Variants in DYRK1A observed in about 807,000 individuals in gnomAD.
The protein encoded by DYRK1A is dual specificity tyrosine phosphorylation regulated kinase 1A.
A neutral mutation model predicts 79.7 loss-of-function variants in DYRK1A; 9 were observed. The ratio of observed to expected loss-of-function variants is 0.11; its 90% CI spans 0.07 to 0.20. The LOEUF is 0.20. Ranked by LOEUF, DYRK1A falls within the 10% of genes least tolerant of loss-of-function variation. The probability of loss-of-function intolerance (pLI) is 1.00; values close to 1 mark genes in which losing one functional copy is unlikely to be tolerated. For synonymous variants in DYRK1A, 349 were observed against 329.7 expected (o/e 1.06, Z -0.63); for missense variants, 622 against 956.0 (o/e 0.65, Z 4.61).
intron 2 of DYRK1A, among the ~76,000 whole-genome samples, chr21:37,431,271 T>G (rs1250028589): frequency 6.6e-6 from 1 of 152,274 alleles, no homozygotes; most frequent in Non-Finnish European, 1.5e-5. Context: ...TTGCTGTTAG[T>G]TTTAAAGGAT....
At chr21:37,389,193 C>T (rs1166086399) in intron 1 of DYRK1A, among the ~76,000 whole-genome samples, 4 of 151,600 alleles carry the variant, frequency 2.6e-5, no homozygotes, top group African/African-American at 7.3e-5. Context: ...TTTTCTCTCT[C>T]TCTCTTTTTT....
intron 2 of DYRK1A, among the ~76,000 whole-genome samples, chr21:37,468,055 G>T (rs1476962429): frequency 6.6e-6 from 1 of 152,126 alleles, no homozygotes. Flanking sequence ...ACATGGATTT[G>T]TTTTGGTGGA....
chr21:37,419,198 C>T (rs1290689373), intron 1 of DYRK1A: 2 of 152,078 alleles, frequency 1.3e-5, no homozygotes, highest in Admixed American at 1.3e-4. Context: ...TGGTTTCTTT[C>T]TTTCTCTTAC....
intron 5 of DYRK1A, among the ~76,000 whole-genome samples, chr21:37,483,376 A>G (rs1341958238): frequency 9.2e-5 from 14 of 152,202 alleles, no homozygotes; most frequent in African/African-American, 3.4e-4. Flanking sequence ...TAAACGTGTA[A>G]GCAAATATGA....
At chr21:37,507,564 TC>T (rs1415966369) in intron 11 of DYRK1A, among the ~76,000 whole-genome samples, 3 of 152,186 alleles carry the variant, frequency 2.0e-5, no homozygotes, top group Non-Finnish European at 4.4e-5. Flanking sequence ...CCTAATGCTG[TC>T]TTTCTGCATT....
chr21:37,459,399 A>G lies in DYRK1A; in HGVS notation c.11-13285A>G, dbSNP rs77616337. ...AATTAAATAAGTGGTTAGCATTTAT[A>G]TAAGCAGTCTAATTAGGACCCCAAA... On this transcript the variant is annotated intron_variant, in intron 2 of 11. Transcript: ENST00000647188. Among the ~76,000 whole-genome samples, 37 of 152,360 alleles carry G rather than the reference A, an allele frequency of 2.4e-4. No homozygotes were observed. In the East Asian group the frequency reaches 6.9e-3, roughly 29 times the overall value.
chr21:37,476,500 A>C (rs1157221316), intron 3 of DYRK1A, among the ~76,000 whole-genome samples: 1 of 152,208 alleles, frequency 6.6e-6, no homozygotes, highest in Non-Finnish European at 1.5e-5. Flanking sequence ...GCTGCACTCC[A>C]CCAGCCCAAG....
rs576141619 is a variant in DYRK1A, at chr21:37,427,681, C to G, written c.10+7297C>G. On this transcript the variant is annotated intron_variant, in intron 2 of 11. Transcript: ENST00000647188. Reference sequence around the variant, plus strand: ...GGTGAAGCATATGTACATTTTAAAGCCTTTTGATACATTATTTTCAAATAC... The same window carrying G: ...GGTGAAGCATATGTACATTTTAAAGGCTTTTGATACATTATTTTCAAATAC... Among the ~76,000 whole-genome samples the G allele has an allele frequency of 3.3e-5, 5 of 152,160 alleles. 1 individual carries two copies. In the South Asian group the frequency reaches 8.3e-4, roughly 25 times the overall value.
At chr21:37,442,292 A>G (rs1482994612) in intron 2 of DYRK1A, among the ~76,000 whole-genome samples, 1 of 151,904 alleles carries the variant, frequency 6.6e-6, no homozygotes, top group Non-Finnish European at 1.5e-5. Context: ...TAGTTTTTCA[A>G]AATTTTTGGG....
intron 1 of DYRK1A, among the ~76,000 whole-genome samples, chr21:37,403,655 ATATATATATGTGTGTG>A (rs2050096532): frequency 1.6e-5 from 2 of 125,700 alleles, no homozygotes; most frequent in Non-Finnish European, 3.3e-5. Flanking sequence ...AAAAATATAT[ATATATATATGTGTGTG>A]TGTGTGTGTG....
In DYRK1A at chr21:37,516,293, C is replaced by T. The variant is rs192936816; in HGVS notation, c.*3762C>T. 4 of 152,276 alleles carry T rather than the reference C, an allele frequency of 2.6e-5. No homozygotes were observed. Among genetic ancestry groups the T allele is most frequent in the African/African-American group, 4.8e-5 (2 of 41,562 alleles). 9.4% of individuals were successfully genotyped at this position (152,276 alleles called of 1,614,324 possible). On this transcript the variant is annotated 3_prime_UTR_variant, in exon 12 of 12. Transcript: ENST00000647188. ...TGGGGACAAAAGCCGTGCGTGACTT[C>T]GGTATACCCAGACTTCATTCAGATT...
At chr21:37,378,088 G>C (rs1013476720) in intron 1 of DYRK1A, among the ~76,000 whole-genome samples, 2 of 152,168 alleles carry the variant, frequency 1.3e-5, no homozygotes, top group Non-Finnish European at 2.9e-5. Flanking sequence ...TTAGATTTTT[G>C]TGAATGTAAT....
chr21:37,417,506 C>CTTTTGTTTTTCTTTTTCT (rs375931123), intron 1 of DYRK1A, among the ~76,000 whole-genome samples: 1 of 70,444 alleles, frequency 1.4e-5, no homozygotes, highest in African/African-American at 6.0e-5. Flanking sequence ...TTTTATTTTT[C>CTTTTGTTTTTCTTTTTCT]TTTTCTTTTT....
intron 1 of DYRK1A, among the ~76,000 whole-genome samples, chr21:37,369,813 A>C (rs1056339996): frequency 9.2e-5 from 14 of 152,376 alleles, no homozygotes; most frequent in Non-Finnish European, 1.3e-4. Flanking sequence ...ATCTAAGTAT[A>C]AGATCATCTC....
At chr21:37,471,761 T>A (rs1415990969) in intron 2 of DYRK1A, among the ~76,000 whole-genome samples, 3 of 152,168 alleles carry the variant, frequency 2.0e-5, no homozygotes, top group South Asian at 4.1e-4. Context: ...TCGGAAGTAT[T>A]TTGCTACTGA....
rs1289876144 is a variant in DYRK1A at position 37,457,378 on chromosome 21, T to C, written c.11-15306T>C. ...CTCCCTAGCTGAGACCACAGGCGTG[T>C]ACCACCATGATCGCCTAATTGTGTG... On this transcript the variant is annotated intron_variant, in intron 2 of 11. Transcript: ENST00000647188. Among the ~76,000 whole-genome samples, 3 of 152,130 alleles carry C rather than the reference T, an allele frequency of 2.0e-5. No individual in the cohort carries two copies. The South Asian group carries it at 6.2e-4, about 31-fold the overall frequency.
intron 1 of DYRK1A, among the ~76,000 whole-genome samples, chr21:37,373,133 C>G (rs763290581): frequency 2.0e-5 from 3 of 151,986 alleles, no homozygotes; most frequent in Non-Finnish European, 4.4e-5. Flanking sequence ...ACTACCACTC[C>G]TTAGCCATGT....
intron 2 of DYRK1A, among the ~76,000 whole-genome samples, chr21:37,442,046 T>TGC (rs2051122780): frequency 6.6e-6 from 1 of 151,924 alleles, no homozygotes; most frequent in Non-Finnish European, 1.5e-5. Flanking sequence ...AAAATGTTGC[T>TGC]GCACCATCTG....
rs768515403 is a variant in DYRK1A at position 37,513,254 on chromosome 21, G to C, written c.*723G>C. On this transcript the variant is annotated 3_prime_UTR_variant, in exon 12 of 12. Transcript: ENST00000647188. ...CCGTTGCAGAGGCCACAGGAAGATA[G>C]GATGGAACGTGACTGGTCTCCTAAC... 1 of 152,766 alleles carries C rather than the reference G, an allele frequency of 6.5e-6. No individual in the cohort carries two copies. The highest frequency in any genetic ancestry group is 1.5e-5 in the Non-Finnish European group (1 of 68,162). The allele number at this position is 152,766 out of a possible 1,614,324, so 9.5% of individuals were successfully genotyped here. A position where few individuals can be genotyped will look rare whatever the true frequency, so the allele number is the denominator to read the frequency against.
Sources: allele counts gnomAD v4.1 joint callset (sites outside exome capture counted in the v4.1 genomes callset), GRCh38; gene constraint gnomAD v4.1.1; transcripts MANE v1.5; gene names NCBI Gene and HGNC (gene_info 2026-07-23, HGNC 2026-07-21).